C8orf34: variants seen among roughly 807,000 people sequenced by gnomAD.
C8orf34 encodes the protein uncharacterized protein C8orf34.
Under a neutral mutation model 68.3 loss-of-function variants are expected in C8orf34, and 65 were observed. That is an observed-to-expected ratio of 0.95 (90% CI 0.78 to 1.17). The LOEUF (loss-of-function observed/expected upper bound fraction) is 1.17, where lower values mean the gene tolerates loss of function less well. C8orf34 is among the 50% of genes most tolerant of loss of function. C8orf34 has a pLI of 0.00. For synonymous variants in C8orf34, 244 were observed against 241.2 expected (o/e 1.01, Z -0.11); for missense variants, 664 against 655.4 (o/e 1.01, Z -0.14).
chr8:68,407,020 C>T lies in C8orf34; in HGVS notation c.328-32479C>T, dbSNP rs536029401. On this transcript the variant is annotated intron_variant, in intron 1 of 13. Coordinates refer to ENST00000518698, the MANE Select transcript of C8orf34 (RefSeq NM_052958.4). ...TGAGGTGGCTGGAGCATGAGCTACA[C>T]GCATACGATCTGCCTCAGCTTTGCA... 9.2e-5 allele frequency among the ~76,000 whole-genome samples: 14 copies of T among 152,208 alleles called. 1 individual carries two copies. The highest frequency in any genetic ancestry group is 1.3e-4 in the Non-Finnish European group (9 of 68,016).
At chr8:68,784,233 C>A (rs1024027138) in intron 11 of C8orf34, among the ~76,000 whole-genome samples, 2 of 152,148 alleles carry the variant, frequency 1.3e-5, no homozygotes, top group Admixed American at 6.5e-5. Flanking sequence ...AGGAGTACAG[C>A]TCAGATATTT....
At position 68,815,902 on chromosome 8, in the gene C8orf34, T is replaced by A. The variant is rs1199170858; in HGVS notation, c.1566T>A (p.Leu522=). The change falls in exon 13 of 14, where the codon CTT becomes CTA. Residue 522 remains leucine, a synonymous_variant. Coordinates refer to ENST00000518698, the MANE Select transcript of C8orf34 (RefSeq NM_052958.4). ...GTTGTGCAGGTTCCGCTGATCTTCT[T>A]CTTTGCGTTCCATGCTCTTCTTGTC... ...AEQEKRSADL[L]LCVPCSSCPT... 8 of 1,613,766 alleles carry A rather than the reference T, an allele frequency of 5.0e-6. No individual in the cohort carries two copies. Among genetic ancestry groups the A allele is most frequent in the Non-Finnish European group, 6.8e-6 (8 of 1,179,804 alleles).
In C8orf34 at chr8:68,595,255, C is replaced by T. The variant is rs1267148000; in HGVS notation, c.1106-45121C>T. ...TTATGGGCTATTTTCTCTAATAGTT[C>T]TTTCAAAGTTGTTGATCTTTAAACA... On this transcript the variant is annotated intron_variant, in intron 7 of 13. Transcript: ENST00000518698. 3.3e-5 allele frequency among the ~76,000 whole-genome samples: 5 copies of T among 151,014 alleles called. No individual in the cohort carries two copies. The East Asian group carries it at 9.7e-4, about 29-fold the overall frequency.
chr8:68,776,946 G>C (rs1441062674), intron 11 of C8orf34, among the ~76,000 whole-genome samples: 1 of 152,204 alleles, frequency 6.6e-6, no homozygotes, highest in Non-Finnish European at 1.5e-5. Context: ...TAGACTTCTA[G>C]ATTTATTATT....
At chr8:68,539,997 A>C (rs758463850) in intron 7 of C8orf34, among the ~76,000 whole-genome samples, 32 of 152,152 alleles carry the variant, frequency 2.1e-4, no homozygotes, top group Non-Finnish European at 4.0e-4. Flanking sequence ...GAATATTATA[A>C]ACACATTTTC....
intron 4 of C8orf34, among the ~76,000 whole-genome samples, chr8:68,483,770 T>G (rs1290531041): frequency 6.6e-6 from 1 of 152,122 alleles, no homozygotes; most frequent in African/African-American, 2.4e-5. Context: ...TCTAGATAGG[T>G]TTGCTCCACA....
At chr8:68,563,141 GTAAT>G (rs1160491069) in intron 7 of C8orf34, among the ~76,000 whole-genome samples, 8 of 152,088 alleles carry the variant, frequency 5.3e-5, no homozygotes, top group Non-Finnish European at 1.2e-4. Context: ...GATACTTTCA[GTAAT>G]TAACAAAGTT....
intron 7 of C8orf34, among the ~76,000 whole-genome samples, chr8:68,576,561 G>A (rs1816912449): frequency 6.7e-6 from 1 of 149,824 alleles, no homozygotes; most frequent in African/African-American, 2.5e-5. Context: ...ATAGGTAAAG[G>A]CTTTCTTTGG....
intron 7 of C8orf34, among the ~76,000 whole-genome samples, chr8:68,548,336 G>GT (rs1815954715): frequency 6.6e-6 from 1 of 151,710 alleles, no homozygotes. Flanking sequence ...CTGCAAATCA[G>GT]TTTTTTAAAA....
intron 1 of C8orf34, among the ~76,000 whole-genome samples, chr8:68,386,362 AG>A (rs1479646135): frequency 6.6e-6 from 1 of 152,192 alleles, no homozygotes; most frequent in African/African-American, 2.4e-5. Context: ...ATAATAAAAA[AG>A]CTTTGAAGTA....
At position 68,773,830 on chromosome 8, in the gene C8orf34, A is replaced by C. The variant is rs551215955; in HGVS notation, c.1405-2569A>C. Among the ~76,000 whole-genome samples, 19 of 152,298 alleles carry C rather than the reference A, an allele frequency of 1.2e-4. No individual in the cohort carries two copies. The South Asian group carries it at 2.3e-3, about 18-fold the overall frequency. Reference sequence around the variant, plus strand: ...AGGTTTCTCCTTTCCTGTGGTGTAGATATGACACTGACACTAAGGAAAGAA... The same window carrying C: ...AGGTTTCTCCTTTCCTGTGGTGTAGCTATGACACTGACACTAAGGAAAGAA... On this transcript the variant is annotated intron_variant, in intron 10 of 13. Transcript: ENST00000518698.
chr8:68,737,930 G>C (rs7011532), intron 10 of C8orf34, among the ~76,000 whole-genome samples: 48,828 of 151,900 alleles, frequency 0.32, 8,157 homozygotes, highest in African/African-American at 0.42. Flanking sequence ...ATGGACCTGA[G>C]AGACGCTTAC....
chr8:68,485,410 TA>T (rs1161385732), intron 4 of C8orf34, among the ~76,000 whole-genome samples: 10 of 149,558 alleles, frequency 6.7e-5, no homozygotes, highest in East Asian at 1.9e-4. Flanking sequence ...TGCAGGAAGT[TA>T]AAAAAAAAAT....
At chr8:68,617,681 T>A (rs1412038908) in intron 7 of C8orf34, among the ~76,000 whole-genome samples, 21 of 152,340 alleles carry the variant, frequency 1.4e-4, no homozygotes, top group Admixed American at 5.9e-4. Flanking sequence ...CTTCCCTTTG[T>A]GGGTAACCCG....
chr8:68,643,032 G>T (rs145283743), intron 8 of C8orf34, among the ~76,000 whole-genome samples: 1 of 152,290 alleles, frequency 6.6e-6, no homozygotes, highest in Admixed American at 6.5e-5. Flanking sequence ...GTGCCAGGAG[G>T]TTCCTAACAG....
intron 2 of C8orf34, among the ~76,000 whole-genome samples, chr8:68,442,972 G>A (rs1432873202): frequency 6.6e-6 from 1 of 152,198 alleles, no homozygotes; most frequent in Non-Finnish European, 1.5e-5. Context: ...GTATAGCTAA[G>A]TGACATTTCC....
intron 8 of C8orf34, among the ~76,000 whole-genome samples, chr8:68,662,246 G>A (rs937356669): frequency 1.3e-5 from 2 of 152,178 alleles, no homozygotes; most frequent in East Asian, 3.9e-4. Flanking sequence ...GAAGCCCTCA[G>A]AAGAACAGGT....
intron 7 of C8orf34, among the ~76,000 whole-genome samples, chr8:68,618,601 C>G (rs192567377): frequency 2.1e-5 from 3 of 145,554 alleles, no homozygotes; most frequent in Admixed American, 6.8e-5. Flanking sequence ...CTCCTGGGCT[C>G]AAGTAATCCT....
At chr8:68,726,224 G>T (rs896742760) in intron 10 of C8orf34, among the ~76,000 whole-genome samples, 1 of 152,096 alleles carries the variant, frequency 6.6e-6, no homozygotes, top group African/African-American at 2.4e-5. Flanking sequence ...ATCAAAGGTA[G>T]AATTATTCGC....
Sources: allele counts gnomAD v4.1 joint callset (sites outside exome capture counted in the v4.1 genomes callset), GRCh38; gene constraint gnomAD v4.1.1; transcripts MANE v1.5; gene names NCBI Gene and HGNC (gene_info 2026-07-23, HGNC 2026-07-21).